The following ZNF512 variants were observed in gnomAD, a reference collection of about 807,000 sequenced individuals.
ZNF512 encodes zinc finger protein 512.
Under a neutral mutation model 77.5 loss-of-function variants are expected in ZNF512, and 25 were observed. The observed-to-expected ratio is 0.32, with a 90% CI of 0.23 to 0.45. ZNF512 has a LOEUF of 0.45. Ranked by LOEUF, ZNF512 falls within the 20% of genes least tolerant of loss-of-function variation. The probability of loss-of-function intolerance (pLI) is 1.00; values close to 1 mark genes in which losing one functional copy is unlikely to be tolerated. For missense variants in ZNF512, 483 were observed against 692.6 expected (o/e 0.70, Z 3.40); for synonymous variants, 246 against 239.9 (o/e 1.03, Z -0.24).
intron 10 of ZNF512, among the ~76,000 whole-genome samples, chr2:27,610,178 C>T (rs1218853895): frequency 6.6e-6 from 1 of 151,262 alleles, no homozygotes; most frequent in Non-Finnish European, 1.5e-5. Flanking sequence ...TCCTGGCTAC[C>T]ACAGTGAAAC....
intron 2 of ZNF512, among the ~76,000 whole-genome samples, chr2:27,591,999 A>AT (rs896731347): frequency 2.0e-5 from 3 of 151,962 alleles, no homozygotes; most frequent in Non-Finnish European, 4.4e-5. Flanking sequence ...TATTTAAACA[A>AT]TTTTTTTGAG....
chr2:27,601,034 T>C (rs566445353), intron 6 of ZNF512, among the ~76,000 whole-genome samples: 1 of 152,310 alleles, frequency 6.6e-6, no homozygotes, highest in South Asian at 2.1e-4. Context: ...GTTTCATTTG[T>C]AAAATAGAGA....
intron 9 of ZNF512, among the ~76,000 whole-genome samples, chr2:27,606,892 A>G (rs1672388966): frequency 6.6e-6 from 1 of 152,108 alleles, no homozygotes; most frequent in Non-Finnish European, 1.5e-5. Flanking sequence ...TTGTTCAAGA[A>G]TTCAGTTCCG....
At chr2:27,590,503 G>A (rs1303156182) in intron 2 of ZNF512, among the ~76,000 whole-genome samples, 1 of 152,134 alleles carries the variant, frequency 6.6e-6, no homozygotes, top group Non-Finnish European at 1.5e-5. Context: ...ATTTTACTCT[G>A]TCATTTGCTG....
chr2:27,607,372 T>G (rs1672416789), intron 9 of ZNF512, among the ~76,000 whole-genome samples: 1 of 134,700 alleles, frequency 7.4e-6, no homozygotes, highest in Non-Finnish European at 1.5e-5. Flanking sequence ...CTAAGAGGCC[T>G]TTTTTTTTTT....
chr2:27,610,649 C>T (rs1403834869), intron 10 of ZNF512, among the ~76,000 whole-genome samples: 8 of 125,670 alleles, frequency 6.4e-5, no homozygotes, highest in African/African-American at 8.8e-5. Flanking sequence ...GGCGTGATCT[C>T]GGTTCACTGC....
chr2:27,596,124 G>A (rs965799287), intron 2 of ZNF512, among the ~76,000 whole-genome samples: 6 of 152,110 alleles, frequency 3.9e-5, no homozygotes, highest in African/African-American at 1.2e-4. Flanking sequence ...TTAAAATCTC[G>A]GTTCTGTTCT....
chr2:27,617,705 T>G, intron 13 of ZNF512, 134 bp downstream of exon 13: 1 of 579,870 alleles, frequency 1.7e-6, no homozygotes, highest in Non-Finnish European at 3.2e-6. Flanking sequence ...AGTTAAAATA[T>G]TCTCTAAACT....
intron 8 of ZNF512, 103 bp downstream of exon 8, chr2:27,602,664 C>T (rs778562583): frequency 4.3e-6 from 4 of 932,830 alleles, no homozygotes; most frequent in Non-Finnish European, 6.3e-6. Context: ...CTTCCTAGTT[C>T]TGTACTATCT....
intron 13 of ZNF512, among the ~76,000 whole-genome samples, chr2:27,620,685 T>C (rs1434156028): frequency 1.3e-5 from 2 of 152,206 alleles, no homozygotes; most frequent in African/African-American, 4.8e-5. Flanking sequence ...TCATGTCCCC[T>C]ACCCCTTAAT....
chr2:27,594,589 C>T (rs1404770066), intron 2 of ZNF512, among the ~76,000 whole-genome samples: 11 of 148,162 alleles, frequency 7.4e-5, no homozygotes, highest in African/African-American at 1.8e-4. Flanking sequence ...CAGGCAGAGA[C>T]GCTCCTCACT....
chr2:27,583,317 C>T, intron 1 of ZNF512, 175 bp downstream of exon 1: 1 of 1,259,884 alleles, frequency 7.9e-7, no homozygotes, highest in Non-Finnish European at 1.1e-6. Flanking sequence ...GCTGCCTGTT[C>T]CCCACCTCCT....
At chr2:27,595,331 C>T (rs1478483658) in intron 2 of ZNF512, among the ~76,000 whole-genome samples, 9 of 136,854 alleles carry the variant, frequency 6.6e-5, no homozygotes, top group African/African-American at 1.7e-4. Context: ...GATGGAGTCT[C>T]GCACTGTCGC....
chr2:27,615,276 C>T lies in ZNF512; in HGVS notation c.1233+7C>T. 6.5e-7 allele frequency: 1 copy of T among 1,536,222 alleles called. No individual in the cohort carries two copies. Among genetic ancestry groups the T allele is most frequent in the Non-Finnish European group, 8.9e-7 (1 of 1,129,056 alleles). ...TATTCAGTGTCCTAACCAGGTGGTT[C>T]TTTCTCATTCATTTATTCAGTAAAT... On this transcript the variant is annotated splice_region_variant and intron_variant, in intron 11 of 13. Transcript: ENST00000355467.
chr2:27,592,552 T>G (rs984379235), intron 2 of ZNF512, among the ~76,000 whole-genome samples: 2 of 150,814 alleles, frequency 1.3e-5, no homozygotes, highest in African/African-American at 2.4e-5. Flanking sequence ...TGACCTCAAG[T>G]GATCTGCCTG....
At chr2:27,583,791 A>G in intron 2 of ZNF512, 75 bp downstream of exon 2, 1 of 1,535,234 alleles carries the variant, frequency 6.5e-7, no homozygotes, top group Non-Finnish European at 8.9e-7. Context: ...CCTGTGATGA[A>G]AATGTTCTGT....
At chr2:27,616,000 TAA>T (rs1157103063) in intron 11 of ZNF512, among the ~76,000 whole-genome samples, 1 of 152,344 alleles carries the variant, frequency 6.6e-6, no homozygotes, top group African/African-American at 2.4e-5. Flanking sequence ...GTGTTTCTCT[TAA>T]GTGTCAGAGA....
At chr2:27,608,432 A>G (rs546611363) in intron 10 of ZNF512, among the ~76,000 whole-genome samples, 1 of 152,292 alleles carries the variant, frequency 6.6e-6, no homozygotes, top group East Asian at 1.9e-4. Flanking sequence ...ATCCTATGCA[A>G]AACACCAGTA....
At chr2:27,599,836 T>C (rs1294729352) in intron 4 of ZNF512, 134 bp from the exon 5 acceptor site, 2 of 1,207,042 alleles carry the variant, frequency 1.7e-6, no homozygotes, top group African/African-American at 1.5e-5. Flanking sequence ...CATTATACCC[T>C]TTCATTCTGT....
Sources: gnomAD v4.1 joint callset for allele counts (sites outside exome capture counted in the v4.1 genomes callset) on GRCh38, gnomAD v4.1.1 for gene constraint, MANE v1.5 for transcripts, NCBI Gene and HGNC (gene_info 2026-07-23, HGNC 2026-07-21) for gene names.